The following DLGAP1 variants were observed in gnomAD, a reference collection of about 807,000 sequenced individuals.
DLGAP1 encodes disks large-associated protein 1.
Under a neutral mutation model 90.8 loss-of-function variants are expected in DLGAP1, and 11 were observed. The observed-to-expected ratio is 0.12, with a 90% CI of 0.08 to 0.20. The LOEUF is 0.20. Ranked by LOEUF, DLGAP1 falls within the 10% of genes least tolerant of loss-of-function variation. The pLI is 1.00. For missense variants in DLGAP1, 1,050 were observed against 1,333.8 expected (o/e 0.79, Z 3.31); for synonymous variants, 558 against 540.7 (o/e 1.03, Z -0.44).
chr18:4,135,523 C>T (rs1432346961), intron 2 of DLGAP1, among the ~76,000 whole-genome samples: 1 of 152,120 alleles, frequency 6.6e-6, no homozygotes, highest in Admixed American at 6.6e-5. Context: ...TTATTTTCTT[C>T]TAAGTTTAGC....
intron 3 of DLGAP1, among the ~76,000 whole-genome samples, chr18:3,888,039 C>T (rs1375589922): frequency 2.3e-5 from 3 of 130,942 alleles, no homozygotes; most frequent in African/African-American, 5.7e-5. Flanking sequence ...ACCCGGGAGG[C>T]GGAGCTTGCA....
intron 5 of DLGAP1, among the ~76,000 whole-genome samples, chr18:3,751,939 A>T (rs2147814266): frequency 6.7e-6 from 1 of 148,730 alleles, no homozygotes; most frequent in South Asian, 2.1e-4. Context: ...GCTGGAATGC[A>T]GTGGCGCGAT....
chr18:4,146,966 G>A (rs1056730865), intron 2 of DLGAP1, among the ~76,000 whole-genome samples: 2 of 152,098 alleles, frequency 1.3e-5, no homozygotes, highest in African/African-American at 2.4e-5. Context: ...ACAGACAGAA[G>A]GAACAGTTAT....
chr18:4,213,445 T>C (rs1310117542), intron 1 of DLGAP1, among the ~76,000 whole-genome samples: 1 of 152,052 alleles, frequency 6.6e-6, no homozygotes, highest in Non-Finnish European at 1.5e-5. Context: ...TAAAACCCAC[T>C]AGCTTGAGAG....
At chr18:4,319,936 C>T (rs561752189) in intron 1 of DLGAP1, among the ~76,000 whole-genome samples, 1 of 152,278 alleles carries the variant, frequency 6.6e-6, no homozygotes, top group East Asian at 1.9e-4. Flanking sequence ...TCTGGGGTCT[C>T]AGCCCTCCCA....
At chr18:3,699,364 CCTTT>C (rs1410235192) in intron 7 of DLGAP1, among the ~76,000 whole-genome samples, 3 of 152,118 alleles carry the variant, frequency 2.0e-5, no homozygotes, top group Non-Finnish European at 2.9e-5. Flanking sequence ...TGATGCTATT[CCTTT>C]CTGTTTGTTA....
intron 1 of DLGAP1, among the ~76,000 whole-genome samples, chr18:4,389,268 G>A (rs1438087387): frequency 6.6e-6 from 1 of 152,122 alleles, no homozygotes; most frequent in Non-Finnish European, 1.5e-5. Flanking sequence ...ACAAAAAGAT[G>A]AATACTTTAT....
At chr18:3,545,982 C>T (rs2052989592) in intron 9 of DLGAP1, among the ~76,000 whole-genome samples, 1 of 152,066 alleles carries the variant, frequency 6.6e-6, no homozygotes, top group South Asian at 2.1e-4. Flanking sequence ...GATAGAACTA[C>T]TAGAAGAAAT....
chr18:3,518,017 T>G (rs939997736), intron 10 of DLGAP1, among the ~76,000 whole-genome samples: 2 of 152,218 alleles, frequency 1.3e-5, no homozygotes, highest in African/African-American at 2.4e-5. Flanking sequence ...TTCCTTTGTA[T>G]TCACAACTTG....
chr18:4,083,177 A>T lies in DLGAP1; in HGVS notation c.-159+68003T>A, dbSNP rs557360902. The stretch of plus-strand genomic sequence containing the variant: ...AGAAGGAACACCCCAATTATTCCAC[A>T]TAAGTGTTTGTAAGGATTAATGCAC... On this transcript the variant is annotated intron_variant, in intron 2 of 12. Transcript: ENST00000315677. Among the ~76,000 whole-genome samples the T allele has an allele frequency of 5.3e-5, 8 of 152,322 alleles. No homozygotes were observed. In the South Asian group the frequency reaches 1.7e-3, roughly 32 times the overall value.
intron 1 of DLGAP1, among the ~76,000 whole-genome samples, chr18:4,163,230 G>T (rs542272608): frequency 6.6e-6 from 1 of 152,304 alleles, no homozygotes; most frequent in South Asian, 2.1e-4. Flanking sequence ...CTCTTCAGTA[G>T]TGTACTTTTG....
chr18:3,580,711 A>C, intron 8 of DLGAP1: 1 of 1,613,914 alleles, frequency 6.2e-7, no homozygotes, highest in Middle Eastern at 1.6e-4. Context: ...ACAGTCAACC[A>C]CAGGCCTCTC....
chr18:4,389,951 C>G (rs1373505139), intron 1 of DLGAP1, among the ~76,000 whole-genome samples: 2 of 152,158 alleles, frequency 1.3e-5, no homozygotes, highest in African/African-American at 4.8e-5. Context: ...GATACTTCTA[C>G]TTCAAGATTA....
chr18:4,339,090 T>G (rs977155564), intron 1 of DLGAP1, among the ~76,000 whole-genome samples: 1 of 152,224 alleles, frequency 6.6e-6, no homozygotes, highest in African/African-American at 2.4e-5. Context: ...GTCCTGACTT[T>G]AGACTCACAT....
chr18:3,624,045 T>C (rs1284102939), intron 7 of DLGAP1, among the ~76,000 whole-genome samples: 1 of 152,122 alleles, frequency 6.6e-6, no homozygotes, highest in Non-Finnish European at 1.5e-5. Context: ...GTAAGGCACA[T>C]TTAGGCCCTT....
At chr18:3,759,257 C>CAAA (rs397754258) in intron 5 of DLGAP1, among the ~76,000 whole-genome samples, 7 of 105,156 alleles carry the variant, frequency 6.7e-5, no homozygotes, top group African/African-American at 2.0e-4. Flanking sequence ...ATTGCTCTGC[C>CAAA]AAAAAAAAAA....
At chr18:3,864,613 G>C (rs529154023) in intron 4 of DLGAP1, among the ~76,000 whole-genome samples, 1 of 152,128 alleles carries the variant, frequency 6.6e-6, no homozygotes, top group Non-Finnish European at 1.5e-5. Context: ...CTAAGAAGAA[G>C]GATTATGAAG....
At chr18:3,811,768 A>C (rs1332449766) in intron 5 of DLGAP1, among the ~76,000 whole-genome samples, 1 of 152,222 alleles carries the variant, frequency 6.6e-6, no homozygotes, top group African/African-American at 2.4e-5. Flanking sequence ...ATTGTGAAGA[A>C]GGCAAATGAG....
At position 3,600,734 on chromosome 18, in the gene DLGAP1, A is replaced by C. The variant is rs1248841886; in HGVS notation, c.1592-18486T>G. 2.4e-3 allele frequency among the ~76,000 whole-genome samples: 120 copies of C among 50,016 alleles called. 1 individual carries two copies. The highest frequency in any genetic ancestry group is 0.013 in the Middle Eastern group (1 of 76). 32.8% of individuals were successfully genotyped at this position (50,016 alleles called of 152,430 possible). On this transcript the variant is annotated intron_variant, in intron 7 of 12. Transcript: ENST00000315677. ...TATATAGATATAGAGATATAGATAT[A>C]TATAGATATATAGATATATATAGAT...
Sources: gnomAD v4.1 joint callset for allele counts (sites outside exome capture counted in the v4.1 genomes callset) on GRCh38, gnomAD v4.1.1 for gene constraint, MANE v1.5 for transcripts, NCBI Gene and HGNC (gene_info 2026-07-23, HGNC 2026-07-21) for gene names.